SUGCT: variants seen among roughly 807,000 people sequenced by gnomAD.
SUGCT encodes the protein succinyl-CoA:glutarate-CoA transferase.
SUGCT carries 41 observed loss-of-function variants against 55.0 expected under a neutral mutation model. That is an observed-to-expected ratio of 0.74 (90% confidence interval 0.58 to 0.97). The LOEUF (loss-of-function observed/expected upper bound fraction) is 0.97. Among genes scored for constraint, SUGCT ranks in the 50% least tolerant of loss-of-function variants. SUGCT has a pLI of 0.00. For synonymous variants in SUGCT, 187 were observed against 200.4 expected, an observed-to-expected ratio of 0.93 and a Z score of 0.56; for missense variants, 568 against 547.8, an observed-to-expected ratio of 1.04 and a Z score of -0.37.
At chr7:41,023,622 T>A in the SUGCT span, among the ~76,000 whole-genome samples, 1 of 152,100 alleles carries the variant, frequency 6.6e-6, no homozygotes, top group Non-Finnish European at 1.5e-5. Flanking sequence ...AAATTGACAA[T>A]AATAAAACAG....
intron 9 of SUGCT, among the ~76,000 whole-genome samples, chr7:40,447,314 C>G (rs1788893625): frequency 6.6e-6 from 1 of 152,136 alleles, no homozygotes; most frequent in Non-Finnish European, 1.5e-5. Flanking sequence ...AAGACAGATG[C>G]TTAAGGAATG....
chr7:40,194,872 A>C, intron 5 of SUGCT, 68 bp from the exon 6 acceptor site: 1 of 1,516,836 alleles, frequency 6.6e-7, no homozygotes, highest in Non-Finnish European at 8.9e-7. Flanking sequence ...CAATTGTGTA[A>C]AGTTAAAATT....
chr7:40,729,905 G>A (rs1039946672), intron 12 of SUGCT, among the ~76,000 whole-genome samples: 2 of 152,088 alleles, frequency 1.3e-5, no homozygotes, highest in Admixed American at 6.5e-5. Flanking sequence ...TCATAAATCC[G>A]GGTTTGTATG....
At chr7:40,960,164 G>A in the SUGCT span, among the ~76,000 whole-genome samples, 49,344 of 151,938 alleles carry the variant, frequency 0.32, 8,839 homozygotes, top group Admixed American at 0.44. Flanking sequence ...ATGCCACATT[G>A]CCCAATTGCT....
At chr7:40,614,026 G>A (rs1369970292) in intron 12 of SUGCT, among the ~76,000 whole-genome samples, 1 of 152,042 alleles carries the variant, frequency 6.6e-6, no homozygotes, top group African/African-American at 2.4e-5. Context: ...TATGTCTATG[G>A]TTTTTAGTCT....
rs750357240 is a variant in SUGCT, at chr7:40,195,019, T to C, written c.443T>C (p.Ile148Thr). 3.7e-6 allele frequency: 6 copies of C among 1,613,894 alleles called. 1 individual carries two copies. Among genetic ancestry groups the C allele is most frequent in the Middle Eastern group, 1.7e-4 (1 of 6,060 alleles). ...GCAATGGGCCTGGGATATGAAGATA[T>C]AGACGAGATTGCTCCTCACATCATC... ...LSAMGLGYED[I>T]DEIAPHIIYC... is the part of the protein sequence containing the mutation. Residue 148 changes from isoleucine to threonine, a missense_variant, in exon 6 of 14, where the codon ATA (isoleucine) becomes ACA (threonine). Ile to Thr is a moderately conservative substitution (Grantham distance 89). Transcript: ENST00000335693.
chr7:40,543,585 A>G (rs1794821234), intron 12 of SUGCT, among the ~76,000 whole-genome samples: 1 of 152,196 alleles, frequency 6.6e-6, no homozygotes, highest in African/African-American at 2.4e-5. Context: ...TCAGATGGAA[A>G]CCTGCAAAAG....
intron 12 of SUGCT, among the ~76,000 whole-genome samples, chr7:40,549,294 G>A (rs913728683): frequency 6.6e-6 from 1 of 152,126 alleles, no homozygotes; most frequent in Non-Finnish European, 1.5e-5. Context: ...TACACTTTCT[G>A]TAGACTTAGC....
At chr7:40,717,664 A>C (rs963881174) in intron 12 of SUGCT, among the ~76,000 whole-genome samples, 1 of 152,224 alleles carries the variant, frequency 6.6e-6, no homozygotes, top group African/African-American at 2.4e-5. Flanking sequence ...AACGCACAGA[A>C]ATCAGTGATT....
chr7:40,924,030 C>T, the SUGCT span, among the ~76,000 whole-genome samples: 1 of 152,228 alleles, frequency 6.6e-6, no homozygotes, highest in South Asian at 2.1e-4. Context: ...TCTGAGGGAG[C>T]TTATTTGCCC....
intron 12 of SUGCT, among the ~76,000 whole-genome samples, chr7:40,608,289 C>T (rs1376518306): frequency 6.6e-6 from 1 of 152,080 alleles, no homozygotes. Context: ...TTTAAATCTT[C>T]CTTATACACT....
At chr7:41,015,767 G>A in the SUGCT span, among the ~76,000 whole-genome samples, 6 of 152,206 alleles carry the variant, frequency 3.9e-5, no homozygotes, top group Non-Finnish European at 7.4e-5. Flanking sequence ...GCACATCTGA[G>A]TGATTTTATT....
intron 9 of SUGCT, among the ~76,000 whole-genome samples, chr7:40,326,532 T>C (rs1245652019): frequency 6.6e-6 from 1 of 152,238 alleles, no homozygotes; most frequent in East Asian, 1.9e-4. Flanking sequence ...TCTTTTCATT[T>C]TTTAGAGAAG....
chr7:40,758,345 A>G (rs952338997), intron 13 of SUGCT, among the ~76,000 whole-genome samples: 2 of 152,092 alleles, frequency 1.3e-5, no homozygotes, highest in Non-Finnish European at 2.9e-5. Flanking sequence ...GACTTAGATA[A>G]AATATTTATC....
chr7:41,021,977 A>AATATAT, the SUGCT span, among the ~76,000 whole-genome samples: 1 of 151,624 alleles, frequency 6.6e-6, no homozygotes, highest in African/African-American at 2.4e-5. Flanking sequence ...GGCAGCCTAA[A>AATATAT]ATATATCAAA....
intron 11 of SUGCT, among the ~76,000 whole-genome samples, chr7:40,472,839 C>T (rs995889214): frequency 2.0e-5 from 3 of 152,076 alleles, no homozygotes; most frequent in African/African-American, 7.2e-5. Context: ...AATTCATGTT[C>T]TTGACTTTCA....
At chr7:40,225,398 C>A (rs1274853069) in intron 6 of SUGCT, among the ~76,000 whole-genome samples, 1 of 151,400 alleles carries the variant, frequency 6.6e-6, no homozygotes, top group African/African-American at 2.4e-5. Context: ...TGTAGTAAAC[C>A]ATATTAATCA....
At chr7:40,954,019 C>T in the SUGCT span, among the ~76,000 whole-genome samples, 7 of 152,214 alleles carry the variant, frequency 4.6e-5, no homozygotes, top group Non-Finnish European at 8.8e-5. Context: ...GTTTCTGCTG[C>T]CTTTTGTTCA....
At chr7:40,906,774 A>G in the SUGCT span, among the ~76,000 whole-genome samples, 5 of 152,232 alleles carry the variant, frequency 3.3e-5, no homozygotes, top group African/African-American at 7.2e-5. Flanking sequence ...CCATGCCTAT[A>G]TAATAATACA....
Sources: gnomAD v4.1 joint callset for allele counts (sites outside exome capture counted in the v4.1 genomes callset) on GRCh38, gnomAD v4.1.1 for gene constraint, MANE v1.5 for transcripts, NCBI Gene and HGNC (gene_info 2026-07-23, HGNC 2026-07-21) for gene names.